Variants in DCAF8L2 observed in about 807,000 individuals in gnomAD.
DCAF8L2 encodes the protein DDB1- and CUL4-associated factor 8-like protein 2.
For synonymous variants in DCAF8L2, 200 were observed against 190.9 expected (o/e 1.05, Z -0.39); for missense variants, 430 against 490.7 (o/e 0.88, Z 1.17).
At chrX:27,575,982 G>C in the DCAF8L2 span, among the ~76,000 whole-genome samples, 235 of 111,655 alleles carry the variant, frequency 2.1e-3, no homozygotes, top group African/African-American at 6.3e-3. Flanking sequence ...GAATTTGTTG[G>C]AACAAATTCT....
In DCAF8L2 at chrX:27,748,884, A is replaced by C; in HGVS notation, c.*93A>C. On this transcript the variant is annotated 3_prime_UTR_variant, in exon 5 of 5. Transcript: ENST00000451261. ...TTTAGAATTGTCAATAGATTAATAG[A>C]TTTGCTTTTTGTCTTCTATTTTCCA... The C allele has an allele frequency of 9.8e-7, 1 of 1,017,370 alleles. No individual in the cohort carries two copies. The highest frequency in any genetic ancestry group is 1.3e-6 in the Non-Finnish European group (1 of 774,149). 83.8% of individuals were successfully genotyped at this position (1,017,370 alleles called of 1,213,427 possible).
chrX:27,550,869 G>A, the DCAF8L2 span, among the ~76,000 whole-genome samples: 1 of 110,890 alleles, frequency 9.0e-6, no homozygotes, highest in Non-Finnish European at 1.9e-5. Flanking sequence ...CATTGAACAA[G>A]CCTATTGGAG....
At chrX:27,696,314 GAAAGAAAGAAAGAAAGAAAA>G (rs772199930) in intron 3 of DCAF8L2, among the ~76,000 whole-genome samples, 16,448 of 76,233 alleles carry the variant, frequency 0.22, 1,149 homozygotes, top group African/African-American at 0.26. Context: ...AAGAAAGAAA[GAAAGAAAGAAAGAAAGAAAA>G]AGAAAGAAAG....
the DCAF8L2 span, among the ~76,000 whole-genome samples, chrX:27,473,515 G>T: frequency 3.6e-5 from 4 of 110,221 alleles, no homozygotes; most frequent in African/African-American, 1.3e-4. Context: ...GAAAATGAGA[G>T]CTCACATATA....
the DCAF8L2 span, among the ~76,000 whole-genome samples, chrX:27,512,851 T>C: frequency 1.5e-5 from 1 of 64,652 alleles, no homozygotes; most frequent in Admixed American, 2.2e-4. Context: ...AAAAATATAC[T>C]AAGCTACAGT....
At chrX:27,601,789 C>T (rs191645703) in intron 1 of DCAF8L2, among the ~76,000 whole-genome samples, 153 of 110,837 alleles carry the variant, frequency 1.4e-3, no homozygotes, top group African/African-American at 4.9e-3. Flanking sequence ...TCTTCCCCCT[C>T]TACACTTGCA....
intron 3 of DCAF8L2, among the ~76,000 whole-genome samples, chrX:27,706,806 A>G (rs905577904): frequency 8.9e-6 from 1 of 111,905 alleles, no homozygotes; most frequent in Non-Finnish European, 1.9e-5. Flanking sequence ...ATGGAAACAT[A>G]TGCCAACACA....
the DCAF8L2 span, among the ~76,000 whole-genome samples, chrX:27,475,872 T>C: frequency 9.0e-6 from 1 of 111,705 alleles, no homozygotes; most frequent in South Asian, 3.8e-4. Flanking sequence ...ATTTGTTGAC[T>C]ACTTCCTGTG....
chrX:27,620,250 C>A (rs1414578857), intron 1 of DCAF8L2, among the ~76,000 whole-genome samples: 1 of 111,380 alleles, frequency 9.0e-6, no homozygotes, highest in Non-Finnish European at 1.9e-5. Context: ...AAAAATTTGA[C>A]AAAATCTAAA....
the DCAF8L2 span, among the ~76,000 whole-genome samples, chrX:27,565,785 C>T: frequency 9.0e-6 from 1 of 110,573 alleles, no homozygotes; most frequent in African/African-American, 3.3e-5. Context: ...GGGAAGCTCT[C>T]CACTGGGGAG....
At chrX:27,697,314 T>C (rs943310520) in intron 3 of DCAF8L2, among the ~76,000 whole-genome samples, 1 of 111,843 alleles carries the variant, frequency 8.9e-6, no homozygotes, top group Non-Finnish European at 1.9e-5. Flanking sequence ...CATATAATCC[T>C]CTCACTCAAA....
the DCAF8L2 span, chrX:27,518,491 G>A: frequency 2.4e-6 from 1 of 420,110 alleles, no homozygotes. Context: ...CTGTAATCCA[G>A]CACTTTGGGA....
intron 1 of DCAF8L2, among the ~76,000 whole-genome samples, chrX:27,624,448 G>A (rs1208361711): frequency 2.7e-5 from 3 of 110,209 alleles, no homozygotes; most frequent in African/African-American, 3.3e-5. Context: ...GCAATTTACC[G>A]AGTAAATGCT....
intron 1 of DCAF8L2, among the ~76,000 whole-genome samples, chrX:27,626,422 T>C (rs1445416538): frequency 8.9e-6 from 1 of 111,917 alleles, no homozygotes; most frequent in Non-Finnish European, 1.9e-5. Flanking sequence ...TCTGGGAATG[T>C]AGTTTGCAGG....
At chrX:27,588,437 T>C (rs1244535348), upstream of DCAF8L2, among the ~76,000 whole-genome samples, 1 of 111,338 alleles carries the variant, frequency 9.0e-6, no homozygotes, top group Non-Finnish European at 1.9e-5. Context: ...TTACTGTGAA[T>C]AGTAATGCAA....
chrX:27,499,854 C>T, the DCAF8L2 span, among the ~76,000 whole-genome samples: 1 of 111,045 alleles, frequency 9.0e-6, no homozygotes, highest in East Asian at 2.9e-4. Context: ...GGTACAGGGC[C>T]AAACCATATC....
At chrX:27,574,996 A>G in the DCAF8L2 span, among the ~76,000 whole-genome samples, 1 of 111,950 alleles carries the variant, frequency 8.9e-6, no homozygotes, top group East Asian at 2.8e-4. Flanking sequence ...TTGCCTTGCT[A>G]TGCCGGATGA....
At chrX:27,504,233 C>G in the DCAF8L2 span, among the ~76,000 whole-genome samples, 1 of 112,157 alleles carries the variant, frequency 8.9e-6, no homozygotes, top group East Asian at 2.8e-4. Context: ...TTTATAAGTA[C>G]AAGGATTGTA....
chrX:27,587,985 A>AAAAAAAAAATATATAT, upstream of DCAF8L2, among the ~76,000 whole-genome samples: 8 of 22,362 alleles, frequency 3.6e-4, no homozygotes, highest in African/African-American at 7.9e-4. Context: ...TAAAAAAAAA[A>AAAAAAAAAATATATAT]ATATATATAT....
Sources: allele counts gnomAD v4.1 joint callset (sites outside exome capture counted in the v4.1 genomes callset), GRCh38; gene constraint gnomAD v4.1.1; transcripts MANE v1.5; gene names NCBI Gene and HGNC (gene_info 2026-07-23, HGNC 2026-07-21).